The following CDS2 variants were observed in gnomAD, a reference collection of about 807,000 sequenced individuals.
CDS2 encodes CDP-diacylglycerol synthase 2.
A neutral mutation model predicts 59.0 loss-of-function variants in CDS2; 47 were observed. That is an observed-to-expected ratio of 0.80 (90% CI 0.63 to 1.02). The LOEUF is 1.02. CDS2 is among the 50% of genes least tolerant of loss of function. The pLI, the probability that CDS2 is intolerant of heterozygous loss-of-function variation, is 0.00. For synonymous variants in CDS2, 207 were observed against 206.4 expected (o/e 1.00, Z -0.02); for missense variants, 356 against 558.9 (o/e 0.64, Z 3.66).
Position 5,130,553 on chromosome 20 carries a change from G to C in CDS2, c.57+3404G>C, listed in dbSNP as rs143393170. On this transcript the variant is annotated intron_variant, in intron 1 of 12. Coordinates refer to ENST00000460006, the MANE Select transcript of CDS2 (RefSeq NM_003818.4). ...GCACTTTGGGAGGCTGAGGTGGGCA[G>C]ATCACCTGAGGTCAGGAGTTCGAGA... Among the ~76,000 whole-genome samples, 365 of 151,722 alleles carry C rather than the reference G, an allele frequency of 2.4e-3. 3 individuals carry two copies. The highest frequency in any genetic ancestry group is 8.1e-3 in the African/African-American group (334 of 41,390).
intron 1 of CDS2, among the ~76,000 whole-genome samples, chr20:5,144,708 T>G (rs1033026505): frequency 6.6e-6 from 1 of 152,230 alleles, no homozygotes; most frequent in East Asian, 1.9e-4. Flanking sequence ...TACATTTTTT[T>G]CATATAAACA....
intron 11 of CDS2, 80 bp from the exon 12 acceptor site, chr20:5,189,655 G>A: frequency 3.0e-6 from 3 of 997,384 alleles, no homozygotes; most frequent in Non-Finnish European, 4.7e-6. Flanking sequence ...ACAGAAGCCT[G>A]ACATTGGGGT....
chr20:5,152,572 T>C (rs2090801302), intron 1 of CDS2, among the ~76,000 whole-genome samples: 1 of 152,104 alleles, frequency 6.6e-6, no homozygotes. Flanking sequence ...TGAAACCCTG[T>C]CTCTACTAAA....
chr20:5,170,759 A>G (rs1568539185), intron 1 of CDS2, among the ~76,000 whole-genome samples: 1 of 152,234 alleles, frequency 6.6e-6, no homozygotes, highest in Non-Finnish European at 1.5e-5. Context: ...AATCTCTTTC[A>G]GGCTTGTTTG....
intron 1 of CDS2, among the ~76,000 whole-genome samples, chr20:5,145,241 C>A (rs2090731698): frequency 9.8e-6 from 1 of 101,724 alleles, no homozygotes. Flanking sequence ...GAAAGACCCC[C>A]CCCCCCGCCC....
At chr20:5,137,897 C>T (rs2090661086) in intron 1 of CDS2, among the ~76,000 whole-genome samples, 2 of 151,682 alleles carry the variant, frequency 1.3e-5, no homozygotes, top group South Asian at 4.2e-4. Context: ...CTCCCGGGTT[C>T]ACGACATTCT....
rs574633123 is a variant in CDS2, at chr20:5,127,076, G to A, written c.-17G>A. On this transcript the variant is annotated 5_prime_UTR_variant, in exon 1 of 13. Coordinates refer to ENST00000460006, the MANE Select transcript of CDS2 (RefSeq NM_003818.4). ...TTCGCTGCTAGCTCGCGGCGACGTC[G>A]GGCCGATTTTCCCAGGATGACAGAG... 6.0e-6 allele frequency: 9 copies of A among 1,489,914 alleles called. No homozygotes were observed. In the African/African-American group the frequency reaches 1.2e-4, roughly 20 times the overall value. The allele number at this position is 1,489,914 out of a possible 1,614,324, so 92.3% of individuals were successfully genotyped here. A position where few individuals can be genotyped will look rare whatever the true frequency, so the allele number is the denominator to read the frequency against.
intron 2 of CDS2, 121 bp downstream of exon 2, chr20:5,173,780 C>T (rs1485192086): frequency 1.8e-6 from 2 of 1,103,480 alleles, no homozygotes; most frequent in East Asian, 2.4e-5. Context: ...GCCTCAGCCT[C>T]CCATGCCACT....
chr20:5,189,217 T>C, intron 11 of CDS2, 31 bp downstream of exon 11: 1 of 1,613,452 alleles, frequency 6.2e-7, no homozygotes, highest in Non-Finnish European at 8.5e-7. Flanking sequence ...TCCTCTCATC[T>C]CACTCCCTCA....
intron 4 of CDS2, 106 bp from the exon 5 acceptor site, chr20:5,178,711 G>T: frequency 8.6e-7 from 1 of 1,157,230 alleles, no homozygotes; most frequent in Non-Finnish European, 1.3e-6. Context: ...GGGACTCAAG[G>T]GTGGGGGGTA....
At chr20:5,179,121 CTTTTTTTTT>C (rs34544851) in intron 5 of CDS2, among the ~76,000 whole-genome samples, 165 bp downstream of exon 5, 1 of 130,266 alleles carries the variant, frequency 7.7e-6, no homozygotes, top group African/African-American at 2.9e-5. Context: ...CAGCTGTTAC[CTTTTTTTTT>C]TTTTTTTTTG....
chr20:5,173,772 C>G, intron 2 of CDS2, 113 bp downstream of exon 2: 1 of 1,227,186 alleles, frequency 8.1e-7, no homozygotes, highest in Non-Finnish European at 1.2e-6. Flanking sequence ...GCTGTCTTGC[C>G]TCAGCCTCCC....
intron 1 of CDS2, among the ~76,000 whole-genome samples, chr20:5,172,738 C>T (rs749586992): frequency 3.9e-5 from 6 of 152,226 alleles, no homozygotes; most frequent in Admixed American, 1.3e-4. Context: ...GATTTACTTT[C>T]TCCTCCACCT....
chr20:5,140,699 A>G (rs1267006805), intron 1 of CDS2, among the ~76,000 whole-genome samples: 1 of 152,220 alleles, frequency 6.6e-6, no homozygotes, highest in Non-Finnish European at 1.5e-5. Flanking sequence ...GATATAATTA[A>G]AATACTTAAA....
intron 1 of CDS2, among the ~76,000 whole-genome samples, chr20:5,158,420 C>T (rs1006862930): frequency 1.3e-5 from 2 of 152,102 alleles, no homozygotes; most frequent in African/African-American, 4.8e-5. Context: ...GATCTACCTG[C>T]CTTGGCCTCC....
At chr20:5,164,292 G>T (rs561103482) in intron 1 of CDS2, among the ~76,000 whole-genome samples, 1 of 152,270 alleles carries the variant, frequency 6.6e-6, no homozygotes, top group East Asian at 1.9e-4. Flanking sequence ...AACAGCCCCA[G>T]GGTGCTTGTC....
At chr20:5,157,341 C>T (rs2123006732) in intron 1 of CDS2, among the ~76,000 whole-genome samples, 1 of 152,158 alleles carries the variant, frequency 6.6e-6, no homozygotes, top group Middle Eastern at 3.4e-3. Context: ...TTGGTGGCTC[C>T]AGGCCAAATG....
Position 5,173,541 on chromosome 20 carries a change from A to T in CDS2, c.76A>T (p.Lys26Ter). 1 of 1,614,178 alleles carries T rather than the reference A, an allele frequency of 6.2e-7. No homozygotes were observed. The highest frequency in any genetic ancestry group is 1.6e-4 in the Middle Eastern group (1 of 6,062). ...PEDKESESEA[K>*]VDGETASDSE... Reference sequence around the variant, plus strand: ...CACTTAGGAGTCAGAGTCAGAAGCAAAGGTAGATGGAGAGACTGCATCGGA... The same window carrying T: ...CACTTAGGAGTCAGAGTCAGAAGCATAGGTAGATGGAGAGACTGCATCGGA... The change falls in exon 2 of 13, where the codon AAG becomes TAG. Residue 26 changes from lysine to a stop codon, truncating the protein, a stop_gained. Coordinates refer to ENST00000460006, the MANE Select transcript of CDS2 (RefSeq NM_003818.4). LOFTEE classifies it high-confidence loss of function.
chr20:5,141,969 A>C (rs2090698010), intron 1 of CDS2, among the ~76,000 whole-genome samples: 2 of 152,226 alleles, frequency 1.3e-5, no homozygotes, highest in South Asian at 4.1e-4. Flanking sequence ...GATTTCAAAA[A>C]ACATGGAAGA....
Sources: allele counts gnomAD v4.1 joint callset (sites outside exome capture counted in the v4.1 genomes callset), GRCh38; gene constraint gnomAD v4.1.1; transcripts MANE v1.5; gene names NCBI Gene and HGNC (gene_info 2026-07-23, HGNC 2026-07-21).